Variants in GALNT13 observed in about 807,000 individuals in gnomAD.
GALNT13 encodes polypeptide N-acetylgalactosaminyltransferase 13.
GALNT13 carries 28 observed loss-of-function variants against 64.2 expected under a neutral mutation model. The ratio of observed to expected loss-of-function variants is 0.44; its 90% CI spans 0.32 to 0.60. GALNT13 has a LOEUF of 0.60. Among genes scored for constraint, GALNT13 ranks in the 20% least tolerant of loss-of-function variants. The pLI is 0.05. For missense variants in GALNT13, 577 were observed against 669.8 expected (o/e 0.86, Z 1.53); for synonymous variants, 214 against 224.6 (o/e 0.95, Z 0.42).
At chr2:153,403,900 A>T in the GALNT13 span, among the ~76,000 whole-genome samples, 1 of 152,104 alleles carries the variant, frequency 6.6e-6, no homozygotes, top group Non-Finnish European at 1.5e-5. Context: ...TGCGTCGCTC[A>T]CACTGGTAGC....
the GALNT13 span, among the ~76,000 whole-genome samples, chr2:153,454,154 CCTAA>C: frequency 6.6e-6 from 1 of 152,026 alleles, no homozygotes; most frequent in African/African-American, 2.4e-5. Flanking sequence ...GTCTTGAAAC[CCTAA>C]CTATTCAGTA....
the GALNT13 span, among the ~76,000 whole-genome samples, chr2:153,153,004 A>G: frequency 6.6e-6 from 1 of 152,158 alleles, no homozygotes; most frequent in African/African-American, 2.4e-5. Flanking sequence ...ACAATGGTTG[A>G]ACTAATTTAC....
At chr2:154,160,407 G>A (rs118068618) in intron 4 of GALNT13, among the ~76,000 whole-genome samples, 1 of 152,108 alleles carries the variant, frequency 6.6e-6, no homozygotes, top group African/African-American at 2.4e-5. Flanking sequence ...ATAGAGGAGA[G>A]ACTTGAGTGC....
chr2:153,162,198 A>G, the GALNT13 span, among the ~76,000 whole-genome samples: 2 of 152,172 alleles, frequency 1.3e-5, no homozygotes, highest in Non-Finnish European at 2.9e-5. Flanking sequence ...CTTTTTAGCC[A>G]TTTGAACATG....
the GALNT13 span, among the ~76,000 whole-genome samples, chr2:153,661,932 T>C: frequency 3.3e-5 from 5 of 152,228 alleles, no homozygotes; most frequent in African/African-American, 4.8e-5. Context: ...CATATGTCTT[T>C]ATATCTTGGG....
At chr2:154,454,003 A>G (rs1032624435), downstream of GALNT13, among the ~76,000 whole-genome samples, 2 of 152,166 alleles carry the variant, frequency 1.3e-5, 1 homozygote, top group East Asian at 3.9e-4. Context: ...TAAGCTAAAA[A>G]TGGTTTTTAT....
Position 154,328,426 on chromosome 2 carries a change from C to T in GALNT13, c.1156+26837C>T, listed in dbSNP as rs1028345949. On this transcript the variant is annotated intron_variant, in intron 9 of 12. Coordinates refer to ENST00000392825, the MANE Select transcript of GALNT13 (RefSeq NM_052917.4). Reference sequence around the variant, plus strand: ...GTTACGGTATCATAATTTATTTTTCCCTGCTGCCAATTATGGATATTTGCA... The same window carrying T: ...GTTACGGTATCATAATTTATTTTTCTCTGCTGCCAATTATGGATATTTGCA... Among the ~76,000 whole-genome samples the T allele has an allele frequency of 3.9e-5, 6 of 152,054 alleles. 1 individual carries two copies. The highest frequency in any genetic ancestry group is 2.9e-5 in the Non-Finnish European group (2 of 67,962).
At position 154,302,183 on chromosome 2, in the gene GALNT13, T is replaced by A. The variant is rs969425780; in HGVS notation, c.1156+594T>A. Among the ~76,000 whole-genome samples, 3 of 152,012 alleles carry A rather than the reference T, an allele frequency of 2.0e-5. No individual in the cohort carries two copies. The South Asian group carries it at 6.2e-4, about 31-fold the overall frequency. On this transcript the variant is annotated intron_variant, in intron 9 of 12. Coordinates refer to ENST00000392825, the MANE Select transcript of GALNT13 (RefSeq NM_052917.4). ...TACTTATTTTAAGAATTGAAAGTCATTAAAAAGGAAAAAAATGAGAAAATC... is the reference window on the plus strand; with the variant it reads ...TACTTATTTTAAGAATTGAAAGTCAATAAAAAGGAAAAAAATGAGAAAATC...
intron 3 of GALNT13, among the ~76,000 whole-genome samples, chr2:154,020,060 C>T (rs1697334625): frequency 6.6e-6 from 1 of 152,114 alleles, no homozygotes; most frequent in Admixed American, 6.5e-5. Flanking sequence ...CATAGTATTC[C>T]ATGGTATATA....
At chr2:153,085,216 G>A in the GALNT13 span, among the ~76,000 whole-genome samples, 7 of 152,134 alleles carry the variant, frequency 4.6e-5, no homozygotes, top group African/African-American at 7.2e-5. Context: ...TAAGCAGAGC[G>A]TAAAAGTTTG....
chr2:153,114,233 C>T, the GALNT13 span, among the ~76,000 whole-genome samples: 2 of 152,058 alleles, frequency 1.3e-5, no homozygotes, highest in African/African-American at 2.4e-5. Flanking sequence ...CTCGCTTGAA[C>T]GTAAGTTTAG....
chr2:153,256,576 T>C, the GALNT13 span, among the ~76,000 whole-genome samples: 1 of 152,182 alleles, frequency 6.6e-6, no homozygotes, highest in Non-Finnish European at 1.5e-5. Context: ...TTCTGCTCTG[T>C]TTTTTCCCCA....
chr2:153,454,588 A>G, the GALNT13 span, among the ~76,000 whole-genome samples: 21 of 152,348 alleles, frequency 1.4e-4, no homozygotes, highest in African/African-American at 3.6e-4. Context: ...GGGATCCTAC[A>G]ATGCATTCAC....
intron 3 of GALNT13, among the ~76,000 whole-genome samples, chr2:153,994,835 T>G (rs1014087676): frequency 1.3e-5 from 2 of 151,908 alleles, no homozygotes; most frequent in African/African-American, 2.4e-5. Context: ...TTCAGATGAG[T>G]AGATTGCAAA....
the GALNT13 span, among the ~76,000 whole-genome samples, chr2:153,836,880 G>A: frequency 6.6e-6 from 1 of 151,958 alleles, no homozygotes; most frequent in African/African-American, 2.4e-5. Flanking sequence ...GTGTATATGT[G>A]CCACATTTTC....
At chr2:153,370,434 A>T in the GALNT13 span, among the ~76,000 whole-genome samples, 1 of 152,198 alleles carries the variant, frequency 6.6e-6, no homozygotes, top group East Asian at 1.9e-4. Context: ...TTAGCAAATG[A>T]AATCCAGCAA....
intron 3 of GALNT13, among the ~76,000 whole-genome samples, chr2:153,984,599 G>A (rs972293127): frequency 6.6e-6 from 1 of 151,606 alleles, no homozygotes; most frequent in South Asian, 2.1e-4. Context: ...TTTTATTGAA[G>A]TGTAATTTAC....
At chr2:154,077,049 A>G (rs1701025292) in intron 3 of GALNT13, among the ~76,000 whole-genome samples, 1 of 151,700 alleles carries the variant, frequency 6.6e-6, no homozygotes, top group Admixed American at 6.6e-5. Flanking sequence ...TAATAGTTGT[A>G]AAGTTTGAAT....
the GALNT13 span, among the ~76,000 whole-genome samples, chr2:153,557,133 A>G: frequency 6.6e-6 from 1 of 152,120 alleles, no homozygotes; most frequent in Non-Finnish European, 1.5e-5. Flanking sequence ...AGATTGTAAT[A>G]CTGCATTTTT....
Sources: gnomAD v4.1 joint callset for allele counts (sites outside exome capture counted in the v4.1 genomes callset) on GRCh38, gnomAD v4.1.1 for gene constraint, MANE v1.5 for transcripts, NCBI Gene and HGNC (gene_info 2026-07-23, HGNC 2026-07-21) for gene names.